HEATR3: variants seen among roughly 807,000 people sequenced by gnomAD.
HEATR3 encodes the protein HEAT repeat containing 3.
In HEATR3, 56 loss-of-function variants were observed where a neutral mutation model predicts 72.8. The observed-to-expected ratio is 0.77, with a 90% CI of 0.62 to 0.96. The LOEUF is 0.96. Among genes scored for constraint, HEATR3 ranks in the 40% least tolerant of loss-of-function variants. The pLI is 0.00. For synonymous variants in HEATR3, 331 were observed against 318.1 expected, an observed-to-expected ratio of 1.04 and a Z score of -0.43; for missense variants, 747 against 831.4, an observed-to-expected ratio of 0.90 and a Z score of 1.25.
intron 12 of HEATR3, among the ~76,000 whole-genome samples, chr16:50,095,386 C>T (rs1001754720): frequency 2.7e-5 from 4 of 145,628 alleles, no homozygotes; most frequent in Admixed American, 1.4e-4. Context: ...GGATGACAGG[C>T]GTGAACCACC....
At chr16:50,080,967 A>G (rs1369537898) in intron 7 of HEATR3, among the ~76,000 whole-genome samples, 3 of 152,210 alleles carry the variant, frequency 2.0e-5, no homozygotes, top group Admixed American at 2.0e-4. Context: ...CCTTGCTTCC[A>G]AGGACCTTCT....
intron 11 of HEATR3, among the ~76,000 whole-genome samples, chr16:50,089,679 TTTTA>T (rs1428403612): frequency 6.6e-6 from 1 of 152,106 alleles, no homozygotes; most frequent in African/African-American, 2.4e-5. Context: ...TTTTTTTTTC[TTTTA>T]TTTGAGATGG....
intron 7 of HEATR3, among the ~76,000 whole-genome samples, chr16:50,079,715 A>G (rs1039375421): frequency 5.3e-5 from 8 of 152,202 alleles, no homozygotes; most frequent in African/African-American, 9.6e-5. Context: ...TTATTCATTC[A>G]GGTTCACATT....
chr16:50,098,882 T>G (rs2037305539), intron 12 of HEATR3, among the ~76,000 whole-genome samples: 2 of 152,142 alleles, frequency 1.3e-5, no homozygotes, highest in Non-Finnish European at 2.9e-5. Flanking sequence ...TCCTACGGAA[T>G]GTACTTAATA....
intron 6 of HEATR3, among the ~76,000 whole-genome samples, chr16:50,077,271 C>A (rs775077444): frequency 6.6e-6 from 1 of 151,956 alleles, no homozygotes; most frequent in Non-Finnish European, 1.5e-5. Context: ...CTCGACCTCC[C>A]TGTGCTGGGA....
intron 11 of HEATR3, among the ~76,000 whole-genome samples, chr16:50,091,492 T>G (rs1172304222): frequency 3.3e-5 from 5 of 151,712 alleles, no homozygotes; most frequent in African/African-American, 4.8e-5. Flanking sequence ...ATAAAAAAAT[T>G]TTAAATCAGT....
chr16:50,071,089 T>C (rs1010618104), intron 4 of HEATR3, among the ~76,000 whole-genome samples: 7 of 152,194 alleles, frequency 4.6e-5, no homozygotes, highest in Admixed American at 4.6e-4. Flanking sequence ...AAGGCCACTC[T>C]CCATTCTGTG....
chr16:50,072,574 A>G (rs1440353891), intron 4 of HEATR3, 31 bp from the exon 5 acceptor site: 3 of 1,374,986 alleles, frequency 2.2e-6, no homozygotes, highest in Non-Finnish European at 3.1e-6. Context: ...AAATGTGAAT[A>G]GTAAAACTTT....
At chr16:50,103,893 G>A (rs1199954376) in intron 14 of HEATR3, among the ~76,000 whole-genome samples, 1 of 152,030 alleles carries the variant, frequency 6.6e-6, no homozygotes, top group Non-Finnish European at 1.5e-5. Flanking sequence ...GCCATTAAGT[G>A]GTGGCTCATG....
At position 50,105,079 on chromosome 16, in the gene HEATR3, C is replaced by T; in HGVS notation, c.*18C>T. 2 of 1,606,468 alleles carry T rather than the reference C, an allele frequency of 1.2e-6. No homozygotes were observed. Among genetic ancestry groups the T allele is most frequent in the Non-Finnish European group, 1.7e-6 (2 of 1,177,456 alleles). On this transcript the variant is annotated 3_prime_UTR_variant, in exon 15 of 15. Transcript: ENST00000299192. ...CTTCTTAAACAATCCAAAAAAGAAA[C>T]CAGTTCTTCCCCCAAAGTATTCAAT...
chr16:50,073,973 T>C (rs2036668356), intron 5 of HEATR3: 1 of 152,208 alleles, frequency 6.6e-6, no homozygotes, highest in African/African-American at 2.4e-5. Flanking sequence ...ATATAACTTT[T>C]TTTGAACCTG....
chr16:50,082,775 C>A lies in HEATR3; in HGVS notation c.1042-1162C>A, dbSNP rs76214945. On this transcript the variant is annotated intron_variant, in intron 7 of 14. Transcript: ENST00000299192. Reference sequence around the variant, plus strand: ...CATCTCTCAAAAAAAAAAAAAAAAGCAGGTAAATTTTTTTTCTTTTTCTTT... The same window carrying A: ...CATCTCTCAAAAAAAAAAAAAAAAGAAGGTAAATTTTTTTTCTTTTTCTTT... Among the ~76,000 whole-genome samples the A allele has an allele frequency of 2.6e-4, 7 of 26,558 alleles. 2 individuals carry two copies. The highest frequency in any genetic ancestry group is 8.9e-4 in the Non-Finnish European group (6 of 6,708). The allele number at this position is 26,558 out of a possible 152,430, so 17.4% of individuals were successfully genotyped here.
intron 12 of HEATR3, among the ~76,000 whole-genome samples, chr16:50,096,437 CTCT>C (rs2037239719): frequency 6.6e-6 from 1 of 151,204 alleles, no homozygotes; most frequent in South Asian, 2.1e-4. Flanking sequence ...ATATTTTGGT[CTCT>C]TATTATCTCT....
chr16:50,084,310 A>G lies in HEATR3; in HGVS notation c.1290+19A>G. On this transcript the variant is annotated intron_variant, in intron 9 of 14. Coordinates refer to ENST00000299192, the MANE Select transcript of HEATR3 (RefSeq NM_182922.4). ...AAAGAAGGTAATCCATTTTCATTCT[A>G]GGCTTACCGTGGAGCATGGGAAAGG... is the stretch of plus-strand genomic sequence containing the variant. 2 of 1,609,366 alleles carry G rather than the reference A, an allele frequency of 1.2e-6. No homozygotes were observed. Among genetic ancestry groups the G allele is most frequent in the South Asian group, 1.1e-5 (1 of 90,652 alleles).
At chr16:50,085,616 A>T (rs1033873820) in intron 10 of HEATR3, among the ~76,000 whole-genome samples, 7 of 152,194 alleles carry the variant, frequency 4.6e-5, no homozygotes, top group African/African-American at 1.7e-4. Flanking sequence ...CCTGGGAAAC[A>T]GAATGAGACC....
intron 3 of HEATR3, among the ~76,000 whole-genome samples, chr16:50,069,868 T>C (rs2036573351): frequency 6.6e-6 from 1 of 152,208 alleles, no homozygotes; most frequent in Non-Finnish European, 1.5e-5. Context: ...CTCATAGGTT[T>C]ATTGTGAGGA....
At chr16:50,072,558 C>T (rs2036634913) in intron 4 of HEATR3, 47 bp from the exon 5 acceptor site, 1 of 1,188,862 alleles carries the variant, frequency 8.4e-7, no homozygotes, top group Admixed American at 1.8e-5. Flanking sequence ...TGATTTCCTA[C>T]TGTTAAAATG....
At chr16:50,071,813 G>C (rs1454449282) in intron 4 of HEATR3, among the ~76,000 whole-genome samples, 1 of 152,112 alleles carries the variant, frequency 6.6e-6, no homozygotes, top group Non-Finnish European at 1.5e-5. Flanking sequence ...GAGGAAACAT[G>C]TACAACATGG....
rs750817206 is a variant in HEATR3, at chr16:50,084,211, T to C, written c.1210T>C (p.Cys404Arg). The C allele has an allele frequency of 2.5e-6, 4 of 1,614,100 alleles. No individual in the cohort carries two copies. Among genetic ancestry groups the C allele is most frequent in the Non-Finnish European group, 3.4e-6 (4 of 1,179,992 alleles). The stretch of plus-strand genomic sequence containing the variant: ...ATTTATGGAGAATTCCTTCAGTGAG[T>C]GCGGGGGACAGCTGTTTTCTCCCCT... ...DAFMENSFSE[C>R]GGQLFSPLCL... The change falls in exon 9 of 15, where the codon TGC (cysteine) becomes CGC (arginine). Residue 404 changes from cysteine to arginine, a missense_variant. Physicochemically the swap from Cys to Arg is radical, Grantham distance 180. Around this residue, in one of 2 missense-constraint regions of HEATR3, gnomAD observed 586 missense variants for 708.8 expected, o/e 0.83. Transcript: ENST00000299192.
Sources: allele counts gnomAD v4.1 joint callset (sites outside exome capture counted in the v4.1 genomes callset), GRCh38; gene constraint gnomAD v4.1.1; regional missense constraint gnomAD v4.1.1; transcripts MANE v1.5; gene names NCBI Gene and HGNC (gene_info 2026-07-23, HGNC 2026-07-21).